CNTNAP2: variants seen among roughly 807,000 people sequenced by gnomAD.
CNTNAP2 encodes contactin associated protein 2.
CNTNAP2 carries 98 observed loss-of-function variants against 155.2 expected under a neutral mutation model. The ratio of observed to expected loss-of-function variants is 0.63; its 90% CI spans 0.54 to 0.75. CNTNAP2 has a LOEUF of 0.75. Among genes scored for constraint, CNTNAP2 ranks in the 30% least tolerant of loss-of-function variants. The pLI is 0.00. For synonymous variants in CNTNAP2, 651 were observed against 631.2 expected (o/e 1.03, Z -0.47); for missense variants, 1,727 against 1,688.1 (o/e 1.02, Z -0.40).
intron 10 of CNTNAP2, among the ~76,000 whole-genome samples, chr7:147,461,181 C>G (rs1798017111): frequency 6.6e-6 from 1 of 152,042 alleles, no homozygotes; most frequent in African/African-American, 2.4e-5. Context: ...ACAATAGACA[C>G]TAACATAAAT....
At chr7:148,308,142 T>C (rs754312569) in intron 21 of CNTNAP2, among the ~76,000 whole-genome samples, 30 of 152,194 alleles carry the variant, frequency 2.0e-4, no homozygotes, top group Non-Finnish European at 4.1e-4. Context: ...ATGAATTTCA[T>C]GTTTTAATAC....
chr7:147,361,905 T>C (rs557485207), intron 9 of CNTNAP2, among the ~76,000 whole-genome samples: 1 of 152,238 alleles, frequency 6.6e-6, no homozygotes, highest in South Asian at 2.1e-4. Flanking sequence ...ATCAGATGGC[T>C]AAGGGGGTAA....
intron 22 of CNTNAP2, among the ~76,000 whole-genome samples, chr7:148,388,805 CCT>C (rs1799277629): frequency 6.6e-6 from 1 of 152,128 alleles, no homozygotes; most frequent in Non-Finnish European, 1.5e-5. Context: ...CACTCCAGAC[CCT>C]GTTTGCCTGG....
At chr7:146,200,068 A>G (rs894423387) in intron 1 of CNTNAP2, among the ~76,000 whole-genome samples, 3 of 152,192 alleles carry the variant, frequency 2.0e-5, no homozygotes, top group African/African-American at 4.8e-5. Context: ...GAATCTGTCT[A>G]AAATATTCAC....
intron 5 of CNTNAP2, among the ~76,000 whole-genome samples, chr7:147,120,766 A>G (rs560224843): frequency 1.6e-4 from 24 of 152,030 alleles, no homozygotes; most frequent in Admixed American, 6.5e-4. Context: ...ATATCTCCCA[A>G]TGCTATCCCT....
intron 3 of CNTNAP2, among the ~76,000 whole-genome samples, chr7:146,976,596 A>C (rs1797916187): frequency 6.6e-6 from 1 of 152,208 alleles, no homozygotes; most frequent in Non-Finnish European, 1.5e-5. Context: ...TGAGGTATGC[A>C]GGAAGGGGCC....
chr7:146,417,338 T>G lies in CNTNAP2; in HGVS notation c.97+300365T>G, dbSNP rs200421842. On this transcript the variant is annotated intron_variant, in intron 1 of 23. Coordinates refer to ENST00000361727, the MANE Select transcript of CNTNAP2 (RefSeq NM_014141.6). ...TTTCACATCTATTGTGACTAGAGAA[T>G]GAGATGTAGCAGCAATCTTTGTTGC... 2.6e-5 allele frequency among the ~76,000 whole-genome samples: 4 copies of G among 152,208 alleles called. No homozygotes were observed. In the East Asian group the frequency reaches 7.7e-4, roughly 29 times the overall value.
intron 8 of CNTNAP2, among the ~76,000 whole-genome samples, chr7:147,194,692 T>C (rs1802748133): frequency 6.6e-6 from 1 of 152,242 alleles, no homozygotes; most frequent in Non-Finnish European, 1.5e-5. Context: ...TGAGCTTTTT[T>C]TCATATGTTT....
At chr7:148,353,668 C>CAG (rs1554422940) in intron 21 of CNTNAP2, among the ~76,000 whole-genome samples, 18 of 151,776 alleles carry the variant, frequency 1.2e-4, no homozygotes, top group African/African-American at 4.1e-4. Flanking sequence ...CACACACACA[C>CAG]GCACACACAA....
At chr7:147,237,064 T>A (rs1803824189) in intron 8 of CNTNAP2, among the ~76,000 whole-genome samples, 1 of 37,382 alleles carries the variant, frequency 2.7e-5, no homozygotes, top group Non-Finnish European at 4.9e-5. Context: ...TTTTTTTTTT[T>A]TTTTTTTTTT....
At chr7:147,537,195 T>C (rs985451185) in intron 11 of CNTNAP2, among the ~76,000 whole-genome samples, 2 of 151,810 alleles carry the variant, frequency 1.3e-5, no homozygotes, top group Admixed American at 1.3e-4. Flanking sequence ...ACCTTTCTAA[T>C]AGGTAGTCTC....
intron 13 of CNTNAP2, among the ~76,000 whole-genome samples, chr7:147,781,564 T>G (rs550987623): frequency 6.6e-6 from 1 of 152,304 alleles, no homozygotes; most frequent in Admixed American, 6.5e-5. Flanking sequence ...ACTCTCAGAA[T>G]CTCCAGTTCT....
intron 11 of CNTNAP2, among the ~76,000 whole-genome samples, chr7:147,512,906 CA>C (rs1799046569): frequency 6.6e-6 from 1 of 151,734 alleles, no homozygotes; most frequent in Non-Finnish European, 1.5e-5. Context: ...TGCTAAGAAA[CA>C]ATTAGAGTTA....
At chr7:147,908,538 C>T (rs1241534164) in intron 14 of CNTNAP2, among the ~76,000 whole-genome samples, 3 of 152,234 alleles carry the variant, frequency 2.0e-5, no homozygotes, top group South Asian at 2.1e-4. Flanking sequence ...TTGAAGCTGA[C>T]TTTGGGTGTA....
At chr7:148,276,877 T>C (rs562230521) in intron 21 of CNTNAP2, among the ~76,000 whole-genome samples, 135 of 152,330 alleles carry the variant, frequency 8.9e-4, no homozygotes, top group African/African-American at 3.2e-3. Flanking sequence ...AGCTCACATA[T>C]GTGGAGAAAA....
chr7:146,406,841 A>G (rs755949426), intron 1 of CNTNAP2, among the ~76,000 whole-genome samples: 24 of 152,230 alleles, frequency 1.6e-4, no homozygotes, highest in Non-Finnish European at 3.2e-4. Flanking sequence ...ACACATGCAT[A>G]GAATATGGAA....
At chr7:148,265,094 C>T (rs149294328) in intron 20 of CNTNAP2, among the ~76,000 whole-genome samples, 509 of 152,284 alleles carry the variant, frequency 3.3e-3, no homozygotes, top group Non-Finnish European at 5.9e-3. Flanking sequence ...TTGCATTTAA[C>T]CATTTAACAA....
intron 15 of CNTNAP2, among the ~76,000 whole-genome samples, chr7:148,101,442 G>T (rs562555644): frequency 6.6e-6 from 1 of 151,362 alleles, no homozygotes; most frequent in African/African-American, 2.4e-5. Context: ...AAACCAAGTG[G>T]ATTGAAATCT....
intron 8 of CNTNAP2, among the ~76,000 whole-genome samples, chr7:147,151,479 A>G (rs1801824032): frequency 3.3e-5 from 5 of 152,192 alleles, no homozygotes; most frequent in Admixed American, 3.3e-4. Flanking sequence ...AATATAAACT[A>G]TAATTTTTTT....
Sources: gnomAD v4.1 joint callset for allele counts (sites outside exome capture counted in the v4.1 genomes callset) on GRCh38, gnomAD v4.1.1 for gene constraint, MANE v1.5 for transcripts, NCBI Gene and HGNC (gene_info 2026-07-23, HGNC 2026-07-21) for gene names.